The following AKAP7 variants were observed in gnomAD, a reference collection of about 807,000 sequenced individuals.
AKAP7 encodes A kinase (PRKA) anchor protein 7.
In AKAP7, 39 loss-of-function variants were observed where a neutral mutation model predicts 39.5. The observed-to-expected ratio is 0.99, with a 90% CI of 0.76 to 1.29. The LOEUF (loss-of-function observed/expected upper bound fraction) is 1.29, where lower values mean the gene tolerates loss of function less well. Among genes scored for constraint, AKAP7 ranks in the 50% most tolerant of loss-of-function variants. AKAP7 has a pLI of 0.00. For missense variants in AKAP7, 414 were observed against 407.7 expected (o/e 1.02, Z -0.13); for synonymous variants, 140 against 139.1 (o/e 1.01, Z -0.05).
intron 7 of AKAP7, among the ~76,000 whole-genome samples, chr6:131,273,940 CTTT>C (rs1161809027): frequency 2.3e-5 from 3 of 130,294 alleles, no homozygotes; most frequent in Non-Finnish European, 5.0e-5. Context: ...GTTGCCTTTT[CTTT>C]TTTTTTTTTT....
chr6:131,171,327 G>A (rs2128246157), intron 5 of AKAP7, among the ~76,000 whole-genome samples: 1 of 152,278 alleles, frequency 6.6e-6, no homozygotes, highest in South Asian at 2.1e-4. Context: ...GGCGGATTGA[G>A]GAAGATTTCA....
At chr6:131,250,202 T>C in intron 7 of AKAP7, 1 of 1,004,522 alleles carries the variant, frequency 1.0e-6, no homozygotes. Context: ...ATTGTGGTTT[T>C]TCTCGACTAC....
chr6:131,213,346 TAGAA>T (rs1393437783), intron 6 of AKAP7, among the ~76,000 whole-genome samples: 3 of 152,224 alleles, frequency 2.0e-5, no homozygotes, highest in Non-Finnish European at 4.4e-5. Context: ...TACTTAGTGT[TAGAA>T]AGTATTGATT....
intron 7 of AKAP7, among the ~76,000 whole-genome samples, chr6:131,249,124 A>T (rs1720514791): frequency 6.6e-6 from 1 of 152,198 alleles, no homozygotes; most frequent in Non-Finnish European, 1.5e-5. Flanking sequence ...TAGACCTGCC[A>T]GTTTAATCAG....
At chr6:131,167,940 G>T (rs1177705096) in intron 4 of AKAP7, among the ~76,000 whole-genome samples, 1 of 152,126 alleles carries the variant, frequency 6.6e-6, no homozygotes, top group African/African-American at 2.4e-5. Flanking sequence ...GTGTTTTAAA[G>T]CCCTGTATGA....
At chr6:131,147,219 T>C (rs1055993444) in intron 2 of AKAP7, among the ~76,000 whole-genome samples, 1 of 152,260 alleles carries the variant, frequency 6.6e-6, no homozygotes, top group Non-Finnish European at 1.5e-5. Flanking sequence ...GGGAATCTTT[T>C]TGTTTAAAAA....
intron 7 of AKAP7, among the ~76,000 whole-genome samples, chr6:131,271,715 G>A (rs2128335138): frequency 1.3e-5 from 2 of 152,076 alleles, no homozygotes; most frequent in Middle Eastern, 6.8e-3. Context: ...ATTACAAATG[G>A]GAAAAGTACA....
intron 7 of AKAP7, among the ~76,000 whole-genome samples, chr6:131,232,024 G>T (rs981140554): frequency 6.6e-6 from 1 of 152,188 alleles, no homozygotes; most frequent in Non-Finnish European, 1.5e-5. Context: ...TAATCTTAGT[G>T]ATGGCTCACT....
At position 131,160,165 on chromosome 6, in the gene AKAP7, C is replaced by T; in HGVS notation, c.258C>T (p.Asn86=). The T allele has an allele frequency of 6.2e-7, 1 of 1,611,908 alleles. No individual in the cohort carries two copies. The highest frequency in any genetic ancestry group is 8.5e-7 in the Non-Finnish European group (1 of 1,179,480). ...AAAAGAGAAAAGATTATCAACCCAA[C>T]TATTTCCTGTCCATTCCAATCACCA... ...RKKKRKDYQP[N]YFLSIPITNK... is the part of the protein sequence containing the mutation. Residue 86 remains asparagine (N), a synonymous_variant, in exon 3 of 8, where the codon AAC becomes AAT. Coordinates refer to ENST00000431975, the MANE Select transcript of AKAP7 (RefSeq NM_016377.4).
At chr6:131,192,931 G>A (rs557354378) in intron 5 of AKAP7, among the ~76,000 whole-genome samples, 15 of 152,120 alleles carry the variant, frequency 9.9e-5, no homozygotes, top group Admixed American at 2.6e-4. Flanking sequence ...TGTTGATTTC[G>A]TATTCTGCAA....
chr6:131,127,109 G>T, the AKAP7 span, among the ~76,000 whole-genome samples: 1 of 151,876 alleles, frequency 6.6e-6, no homozygotes, highest in South Asian at 2.1e-4. Flanking sequence ...GCAGTGGCGC[G>T]ATCTCGGCTC....
At chr6:131,244,574 G>A (rs1246986783) in intron 7 of AKAP7, among the ~76,000 whole-genome samples, 1 of 152,146 alleles carries the variant, frequency 6.6e-6, no homozygotes, top group Non-Finnish European at 1.5e-5. Context: ...TCTCAATTAA[G>A]GAGAAGGCTT....
chr6:131,259,603 A>G (rs1209864087), intron 7 of AKAP7, among the ~76,000 whole-genome samples: 1 of 152,198 alleles, frequency 6.6e-6, no homozygotes, highest in Non-Finnish European at 1.5e-5. Context: ...TAAACCCAGT[A>G]GTATTCTAAT....
At chr6:131,203,772 A>T (rs1327981775) in intron 6 of AKAP7, among the ~76,000 whole-genome samples, 4 of 152,182 alleles carry the variant, frequency 2.6e-5, no homozygotes, top group African/African-American at 7.2e-5. Context: ...TCTCAATATT[A>T]TTTTGATTTA....
At chr6:131,223,546 A>G (rs1287581660) in intron 7 of AKAP7, among the ~76,000 whole-genome samples, 1 of 152,164 alleles carries the variant, frequency 6.6e-6, no homozygotes, top group Non-Finnish European at 1.5e-5. Context: ...TCATCTTTTC[A>G]GAATCTCTGT....
At chr6:131,132,414 C>T (rs561458440), upstream of AKAP7, among the ~76,000 whole-genome samples, 3 of 152,234 alleles carry the variant, frequency 2.0e-5, no homozygotes, top group African/African-American at 7.2e-5. Context: ...ACCTGCAGCA[C>T]GACTCATGAG....
intron 7 of AKAP7, among the ~76,000 whole-genome samples, chr6:131,275,547 TG>T (rs985428371): frequency 6.6e-6 from 1 of 152,196 alleles, no homozygotes; most frequent in Admixed American, 6.5e-5. Context: ...AGAGAACTGA[TG>T]TCACAGACTG....
intron 6 of AKAP7, among the ~76,000 whole-genome samples, chr6:131,201,520 A>C (rs1297758067): frequency 1.3e-5 from 2 of 152,020 alleles, no homozygotes; most frequent in South Asian, 2.1e-4. Flanking sequence ...AGGTTGTGAA[A>C]ATTTTCTCCT....
intron 1 of AKAP7, among the ~76,000 whole-genome samples, chr6:131,138,760 A>G (rs1295314942): frequency 1.3e-5 from 2 of 152,234 alleles, no homozygotes; most frequent in Non-Finnish European, 2.9e-5. Flanking sequence ...GCATCATAAT[A>G]GTACCTCTCC....
Sources: allele counts gnomAD v4.1 joint callset (sites outside exome capture counted in the v4.1 genomes callset), GRCh38; gene constraint gnomAD v4.1.1; transcripts MANE v1.5; gene names NCBI Gene and HGNC (gene_info 2026-07-23, HGNC 2026-07-21).